PTPA: variants seen among roughly 807,000 people sequenced by gnomAD.
PTPA encodes serine/threonine-protein phosphatase 2A activator.
Under a neutral mutation model 43.6 loss-of-function variants are expected in PTPA, and 13 were observed. The ratio of observed to expected loss-of-function variants is 0.30; its 90% CI spans 0.19 to 0.47. The LOEUF is 0.47. Among genes scored for constraint, PTPA ranks in the 20% least tolerant of loss-of-function variants. The probability of loss-of-function intolerance (pLI) is 0.99; values close to 1 mark genes in which losing one functional copy is unlikely to be tolerated. For synonymous variants in PTPA, 172 were observed against 158.2 expected (o/e 1.09, Z -0.66); for missense variants, 329 against 411.9 (o/e 0.80, Z 1.74).
At chr9:129,115,300 CAG>C (rs774147681) in intron 1 of PTPA, among the ~76,000 whole-genome samples, 24 of 152,168 alleles carry the variant, frequency 1.6e-4, no homozygotes, top group Admixed American at 6.5e-4. Flanking sequence ...GTTCTGGGAA[CAG>C]AGCTTGCAGG....
intron 8 of PTPA, among the ~76,000 whole-genome samples, chr9:129,138,968 C>T (rs1163314088): frequency 6.6e-6 from 1 of 152,188 alleles, no homozygotes; most frequent in African/African-American, 2.4e-5. Flanking sequence ...AAGCCAGTCA[C>T]GCGCTGCTCT....
At chr9:129,147,062 C>T (rs976204652) in intron 9 of PTPA, among the ~76,000 whole-genome samples, 1 of 152,198 alleles carries the variant, frequency 6.6e-6, no homozygotes, top group Non-Finnish European at 1.5e-5. Context: ...CTGGGGGTCC[C>T]CAGTGATCAG....
intron 7 of PTPA, among the ~76,000 whole-genome samples, chr9:129,137,165 T>C (rs1050077193): frequency 7.9e-5 from 12 of 152,198 alleles, no homozygotes; most frequent in African/African-American, 1.2e-4. Context: ...CAGACTGATA[T>C]TCATAAATGA....
intron 8 of PTPA, among the ~76,000 whole-genome samples, chr9:129,141,453 A>AGC (rs1467775452): frequency 6.6e-6 from 1 of 152,092 alleles, no homozygotes; most frequent in Admixed American, 6.5e-5. Context: ...TGGGGTACAG[A>AGC]GCCCTGTTCC....
chr9:129,130,940 T>C (rs541532177), intron 4 of PTPA, among the ~76,000 whole-genome samples: 2 of 152,370 alleles, frequency 1.3e-5, no homozygotes, highest in South Asian at 4.1e-4. Context: ...TCTGGCTTCT[T>C]TTGCTCAATG....
chr9:129,136,709 T>G, intron 7 of PTPA, 114 bp downstream of exon 7: 1 of 1,307,188 alleles, frequency 7.7e-7, no homozygotes, highest in East Asian at 2.6e-5. Flanking sequence ...GGGCAGACAG[T>G]GACAGCTTGG....
At chr9:129,143,109 G>A (rs1020442080) in intron 9 of PTPA, 1 of 642,928 alleles carries the variant, frequency 1.6e-6, no homozygotes, top group East Asian at 2.7e-5. Flanking sequence ...GAGGAGAGCT[G>A]AGGCTTCCTG....
chr9:129,129,671 G>A (rs772219800), intron 4 of PTPA, among the ~76,000 whole-genome samples: 132 of 152,028 alleles, frequency 8.7e-4, no homozygotes, highest in Non-Finnish European at 1.5e-3. Context: ...GGGTTTCACC[G>A]TGTTAGCCAG....
intron 1 of PTPA, among the ~76,000 whole-genome samples, chr9:129,116,882 G>A (rs1460654996): frequency 6.7e-6 from 1 of 149,930 alleles, no homozygotes; most frequent in East Asian, 2.0e-4. Context: ...GCCTGGGCTG[G>A]TCTTGAATTC....
chr9:129,135,196 C>G (rs7030543), intron 6 of PTPA, among the ~76,000 whole-genome samples: 88,222 of 152,142 alleles, frequency 0.58, 28,072 homozygotes, highest in Non-Finnish European at 0.7. Flanking sequence ...TGTTCGACAC[C>G]AGCCTGGCCA....
chr9:129,136,617 A>G, intron 7 of PTPA, 22 bp downstream of exon 7: 3 of 1,595,186 alleles, frequency 1.9e-6, no homozygotes, highest in Non-Finnish European at 2.6e-6. Flanking sequence ...GGAGGTGCCT[A>G]TCCCTCCACC....
At chr9:129,111,297 G>T (rs1479334871), upstream of PTPA, 7 of 1,136,420 alleles carry the variant, frequency 6.2e-6, no homozygotes, top group East Asian at 9.8e-5. Context: ...CGGTCCTAGC[G>T]CTTGGCGGCC....
chr9:129,142,242 C>T, intron 8 of PTPA: 2 of 463,816 alleles, frequency 4.3e-6, no homozygotes, highest in Non-Finnish European at 7.5e-6. Context: ...AACCTTGTCT[C>T]TGGCACTTGC....
At chr9:129,143,887 C>T (rs1851093253) in intron 9 of PTPA, among the ~76,000 whole-genome samples, 4 of 151,718 alleles carry the variant, frequency 2.6e-5, no homozygotes, top group Admixed American at 2.6e-4. Context: ...GTGGGGGCTG[C>T]TGGGGAACTC....
chr9:129,111,526 A>G lies in PTPA; in HGVS notation c.-75A>G. 7.8e-7 allele frequency: 1 copy of G among 1,275,196 alleles called. No homozygotes were observed. Among genetic ancestry groups the G allele is most frequent in the Non-Finnish European group, 1.0e-6 (1 of 1,002,580 alleles). 79.0% of individuals were successfully genotyped at this position (1,275,196 alleles called of 1,614,324 possible). On this transcript the variant is annotated 5_prime_UTR_variant, in exon 1 of 10. Transcript: ENST00000393370. ...CTCGGAGCCTTTGGTGGAGCCGGGGAGAGGAAGGGTGGGTGCAAGAGTGAA... is the reference window on the plus strand; with the variant it reads ...CTCGGAGCCTTTGGTGGAGCCGGGGGGAGGAAGGGTGGGTGCAAGAGTGAA...
At chr9:129,141,161 C>G (rs942666189) in intron 8 of PTPA, among the ~76,000 whole-genome samples, 1 of 151,978 alleles carries the variant, frequency 6.6e-6, no homozygotes, top group Non-Finnish European at 1.5e-5. Context: ...TTTTTTTTGA[C>G]TTAAATCTTA....
At chr9:129,129,176 G>A in intron 4 of PTPA, 66 bp downstream of exon 4, 1 of 1,593,644 alleles carries the variant, frequency 6.3e-7, no homozygotes, top group Non-Finnish European at 8.6e-7. Flanking sequence ...CACCAGTTGG[G>A]GAAGGGCCTG....
intron 8 of PTPA, among the ~76,000 whole-genome samples, chr9:129,138,820 A>G (rs1371967129): frequency 6.6e-6 from 1 of 152,070 alleles, no homozygotes; most frequent in Non-Finnish European, 1.5e-5. Flanking sequence ...GGAATGACAC[A>G]TTTTTTCCAA....
intron 7 of PTPA, among the ~76,000 whole-genome samples, chr9:129,137,104 C>G (rs1850421473): frequency 6.6e-6 from 1 of 152,210 alleles, no homozygotes; most frequent in African/African-American, 2.4e-5. Flanking sequence ...AGCTAGTTTT[C>G]AGGATGGGCG....
Sources: gnomAD v4.1 joint callset for allele counts (sites outside exome capture counted in the v4.1 genomes callset) on GRCh38, gnomAD v4.1.1 for gene constraint, MANE v1.5 for transcripts, NCBI Gene and HGNC (gene_info 2026-07-23, HGNC 2026-07-21) for gene names.